Variants in CACNA1D observed in about 807,000 individuals in gnomAD.
CACNA1D encodes the protein voltage-dependent L-type calcium channel subunit alpha-1D.
In CACNA1D, 55 loss-of-function variants were observed where a neutral mutation model predicts 257.1. That is an observed-to-expected ratio of 0.21 (90% CI 0.17 to 0.27). The LOEUF (loss-of-function observed/expected upper bound fraction) is 0.27, where lower values mean the gene tolerates loss of function less well. Ranked by LOEUF, CACNA1D falls within the 10% of genes least tolerant of loss-of-function variation. CACNA1D has a pLI of 1.00. For synonymous variants in CACNA1D, 980 were observed against 1,014.9 expected, an observed-to-expected ratio of 0.97 and a Z score of 0.65; for missense variants, 1,876 against 2,784.0, an observed-to-expected ratio of 0.67 and a Z score of 7.34.
rs1259043958 is a variant in CACNA1D, at chr3:53,774,959, T to C, written c.4202+281T>C. On this transcript the variant is annotated intron_variant, in intron 34 of 47. Coordinates refer to ENST00000350061, the MANE Select transcript of CACNA1D (RefSeq NM_001128840.3). The surrounding 1 kb of genome is among the most constrained non-coding windows in gnomAD (Gnocchi z 4.3). ...GGGCTACTTAGGCCACCTGAAAAAT[T>C]GTAGGATGTACGTTTATGCATGGAG... Among the ~76,000 whole-genome samples, 1 of 152,184 alleles carries C rather than the reference T, an allele frequency of 6.6e-6. No individual in the cohort carries two copies. The highest frequency in any genetic ancestry group is 2.4e-5 in the African/African-American group (1 of 41,426).
At position 53,803,531 on chromosome 3, in the gene CACNA1D, T is replaced by A; in HGVS notation, c.5544T>A (p.Ser1848Arg). The change falls in exon 44 of 48, where the codon AGT becomes AGA. Residue 1848 changes from serine (S) to arginine (R), a missense_variant. Physicochemically the swap from Ser to Arg is moderately radical, Grantham distance 110. This residue lies in a region of CACNA1D where 491 missense variants were observed against 554.3 expected (regional missense o/e 0.89). Coordinates refer to ENST00000350061, the MANE Select transcript of CACNA1D (RefSeq NM_001128840.3). ...HCLGEQEYFS[S>R]EECYEDDSSP... Reference sequence around the variant, plus strand: ...TGGGGGAGCAGGAGTATTTCAGTAGTGAGGAATGCTACGAGGATGACAGCT... The same window carrying A: ...TGGGGGAGCAGGAGTATTTCAGTAGAGAGGAATGCTACGAGGATGACAGCT... The A allele has an allele frequency of 6.2e-7, 1 of 1,614,072 alleles. No homozygotes were observed. Among genetic ancestry groups the A allele is most frequent in the South Asian group, 1.1e-5 (1 of 91,084 alleles).
At chr3:53,537,757 C>T (rs1259327950) in intron 3 of CACNA1D, among the ~76,000 whole-genome samples, 1 of 152,138 alleles carries the variant, frequency 6.6e-6, no homozygotes, top group Non-Finnish European at 1.5e-5. Flanking sequence ...CTCTTTTATC[C>T]TCCTTGCTAC....
intron 30 of CACNA1D, among the ~76,000 whole-genome samples, chr3:53,767,129 C>A (rs1020495730): frequency 2.0e-5 from 3 of 152,152 alleles, no homozygotes; most frequent in Admixed American, 1.3e-4. Context: ...CTAGTGACCC[C>A]ACTCTGTATG....
chr3:53,580,464 A>G lies in CACNA1D; in HGVS notation c.484-70315A>G, dbSNP rs774642499. 1.4e-4 allele frequency among the ~76,000 whole-genome samples: 22 copies of G among 152,232 alleles called. 1 individual carries two copies. The highest frequency in any genetic ancestry group is 2.5e-4 in the Non-Finnish European group (17 of 68,044). On this transcript the variant is annotated intron_variant, in intron 3 of 47. Coordinates refer to ENST00000350061, the MANE Select transcript of CACNA1D (RefSeq NM_001128840.3). The stretch of plus-strand genomic sequence containing the variant: ...CTCCTCTGCATCTCCCATCGTACCA[A>G]GTATCTTGCCTTGTGCACAGTAGGT...
At position 53,702,672 on chromosome 3, in the gene CACNA1D, G is replaced by A. The variant is rs1576400022; in HGVS notation, c.1252G>A (p.Ala418Thr). 1 of 1,614,194 alleles carries A rather than the reference G, an allele frequency of 6.2e-7. No individual in the cohort carries two copies. Among genetic ancestry groups the A allele is most frequent in the South Asian group, 1.1e-5 (1 of 91,082 alleles). ...EFSKEREKAK[A>T]RGDFQKLREK... ...CTCAAAGGAAAGAGAGAAGGCAAAA[G>A]CACGGGGAGATTTCCAGAAGCTCCG... Residue 418 changes from alanine (A) to threonine (T), a missense_variant, in exon 9 of 48, where the codon GCA becomes ACA. Physicochemically the swap from Ala to Thr is moderately conservative, Grantham distance 58. Around this residue, in one of 10 missense-constraint regions of CACNA1D, gnomAD observed 188 missense variants for 390.4 expected, o/e 0.48. Coordinates refer to ENST00000350061, the MANE Select transcript of CACNA1D (RefSeq NM_001128840.3).
intron 19 of CACNA1D, among the ~76,000 whole-genome samples, chr3:53,733,848 A>G (rs2095024421): frequency 6.7e-6 from 1 of 150,238 alleles, no homozygotes; most frequent in Non-Finnish European, 1.5e-5. Context: ...ACAGCTCACC[A>G]CTGTTTGGGT....
chr3:53,757,138 A>G (rs946889723), intron 29 of CACNA1D, among the ~76,000 whole-genome samples: 3 of 152,168 alleles, frequency 2.0e-5, no homozygotes, highest in Non-Finnish European at 4.4e-5. Flanking sequence ...TCGCTGCTCC[A>G]GGGTCCCTTG....
chr3:53,526,467 T>C (rs780224145), intron 3 of CACNA1D, among the ~76,000 whole-genome samples: 17 of 152,198 alleles, frequency 1.1e-4, no homozygotes, highest in Non-Finnish European at 2.2e-4. Context: ...AGACACCAAA[T>C]CTTGTCTTCC....
intron 19 of CACNA1D, among the ~76,000 whole-genome samples, chr3:53,734,086 A>G (rs1175397107): frequency 6.7e-6 from 1 of 149,124 alleles, no homozygotes; most frequent in African/African-American, 2.5e-5. Context: ...TAAAGCTACA[A>G]AGCACTCCTG....
chr3:53,632,776 G>A (rs1169051367), intron 3 of CACNA1D, among the ~76,000 whole-genome samples: 1 of 152,194 alleles, frequency 6.6e-6, no homozygotes, highest in African/African-American at 2.4e-5. Context: ...AGAACAGCTG[G>A]TTGGTGGAGC....
At chr3:53,566,416 C>T (rs183055526) in intron 3 of CACNA1D, among the ~76,000 whole-genome samples, 13 of 152,200 alleles carry the variant, frequency 8.5e-5, no homozygotes, top group Admixed American at 4.6e-4. Flanking sequence ...GGTCTCTGCT[C>T]GAATGTCATC....
At chr3:53,732,571 C>T (rs532048706) in intron 18 of CACNA1D, among the ~76,000 whole-genome samples, 6 of 152,246 alleles carry the variant, frequency 3.9e-5, no homozygotes, top group Non-Finnish European at 4.4e-5. Flanking sequence ...TCAGATCTTA[C>T]GCTGGTGGGA....
At chr3:53,630,071 G>C (rs986904043) in intron 3 of CACNA1D, among the ~76,000 whole-genome samples, 1 of 152,146 alleles carries the variant, frequency 6.6e-6, no homozygotes, top group Non-Finnish European at 1.5e-5. Flanking sequence ...AGCCAGTTAC[G>C]GGGAGGCTCA....
In CACNA1D at chr3:53,786,961, T is replaced by G; in HGVS notation, c.4923+9T>G. Reference sequence around the variant, plus strand: ...CCACAATTGCCCTACAGGTGAATTGTTGTCTCATTTTGTTTTCTCTTTTGA... The same window carrying G: ...CCACAATTGCCCTACAGGTGAATTGGTGTCTCATTTTGTTTTCTCTTTTGA... On this transcript the variant is annotated intron_variant, in intron 40 of 47. Coordinates refer to ENST00000350061, the MANE Select transcript of CACNA1D (RefSeq NM_001128840.3). The G allele has an allele frequency of 6.2e-7, 1 of 1,613,944 alleles. No homozygotes were observed. Among genetic ancestry groups the G allele is most frequent in the Non-Finnish European group, 8.5e-7 (1 of 1,179,812 alleles).
intron 3 of CACNA1D, among the ~76,000 whole-genome samples, chr3:53,605,183 C>G (rs1014413086): frequency 6.6e-6 from 1 of 152,098 alleles, no homozygotes; most frequent in Admixed American, 6.6e-5. Context: ...AGGTGAGAAC[C>G]GCGACTGTGG....
chr3:53,723,723 C>A lies in CACNA1D; in HGVS notation c.1892+64C>A. The A allele has an allele frequency of 6.3e-7, 1 of 1,588,564 alleles. No individual in the cohort carries two copies. Among genetic ancestry groups the A allele is most frequent in the Non-Finnish European group, 8.6e-7 (1 of 1,156,716 alleles). On this transcript the variant is annotated intron_variant, in intron 13 of 47. Coordinates refer to ENST00000350061, the MANE Select transcript of CACNA1D (RefSeq NM_001128840.3). The surrounding 1 kb of genome is among the most constrained non-coding windows in gnomAD (Gnocchi z 5.6). ...CATGAGGCGGCAACCAGTCACATCC[C>A]CGGGCAGGTGATGTTCTGCTCTGTC...
intron 18 of CACNA1D, 87 bp downstream of exon 18, chr3:53,732,169 G>A: frequency 9.6e-7 from 1 of 1,040,274 alleles, no homozygotes; most frequent in African/African-American, 1.6e-5. Context: ...CGGCCAGCCA[G>A]CCCAGCAGCG....
chr3:53,794,579 T>C (rs1373339692), intron 40 of CACNA1D, among the ~76,000 whole-genome samples: 1 of 152,224 alleles, frequency 6.6e-6, no homozygotes, highest in Non-Finnish European at 1.5e-5. Flanking sequence ...TGTTGGAGGA[T>C]AGATTGATCA....
intron 18 of CACNA1D, 27 bp downstream of exon 18, chr3:53,732,109 G>A (rs760176185): frequency 6.4e-7 from 1 of 1,572,034 alleles, no homozygotes; most frequent in Admixed American, 1.7e-5. Flanking sequence ...CGGAGACGCT[G>A]GCTTTGCTGT....
Sources: gnomAD v4.1 joint callset for allele counts (sites outside exome capture counted in the v4.1 genomes callset) on GRCh38, gnomAD v4.1.1 for gene constraint, gnomAD v4.1.1 regional missense constraint, Gnocchi (gnomAD v3.1) non-coding constraint, MANE v1.5 for transcripts, NCBI Gene and HGNC (gene_info 2026-07-23, HGNC 2026-07-21) for gene names.